The following MAP3K4 variants were observed in gnomAD, a reference collection of about 807,000 sequenced individuals.
MAP3K4 encodes the protein MAP three kinase 1.
MAP3K4 carries 67 observed loss-of-function variants against 185.6 expected under a neutral mutation model. The observed-to-expected ratio is 0.36, with a 90% confidence interval of 0.30 to 0.44. The LOEUF (loss-of-function observed/expected upper bound fraction) is 0.44, where lower values mean the gene tolerates loss of function less well. MAP3K4 is among the 20% of genes least tolerant of loss of function. MAP3K4 has a pLI of 1.00. For synonymous variants in MAP3K4, 702 were observed against 710.4 expected (o/e 0.99, Z 0.19); for missense variants, 1,551 against 1,995.1 (o/e 0.78, Z 4.24).
intron 2 of MAP3K4, among the ~76,000 whole-genome samples, chr6:161,047,117 C>CATATAT (rs3050257): frequency 0.015 from 1,976 of 134,892 alleles, 54 homozygotes; most frequent in African/African-American, 0.051. Context: ...TTCACTTATG[C>CATATAT]ATATATATAT....
rs748373271 is a variant in MAP3K4, at chr6:161,101,987, G to A, written c.3770G>A (p.Arg1257Gln). The change falls in exon 18 of 27, where the codon CGA becomes CAA. Residue 1257 changes from arginine (R) to glutamine (Q), a missense_variant. Physicochemically the swap from Arg to Gln is conservative, Grantham distance 43 (BLOSUM62 1). Around this residue, in one of 16 missense-constraint regions of MAP3K4, gnomAD observed 272 missense variants for 301.2 expected, o/e 0.90. Transcript: ENST00000392142. This position sits in a 1 kb window ranked among gnomAD's most constrained non-coding sequence, Gnocchi z 5.1. ...LSRHSSPTEERDEPAYPRGDS... is the reference protein window; with the variant it reads ...LSRHSSPTEEQDEPAYPRGDS... ...CGTCACTCAAGCCCCACGGAGGAGC[G>A]AGATGGTGAGTGTTTTAAGGTGTTA... The A allele has an allele frequency of 1.2e-6, 2 of 1,613,334 alleles. No homozygotes were observed. Among genetic ancestry groups the A allele is most frequent in the Middle Eastern group, 1.6e-4 (1 of 6,062 alleles).
In MAP3K4 at chr6:161,031,701, G is replaced by T. The variant is rs144983288; in HGVS notation, c.153-2558G>T. Reference sequence around the variant, plus strand: ...CAAAACAGACCATTTTATATTTTTCGTAGCCCTTTGTTTCCATTACTTTAA... The same window carrying T: ...CAAAACAGACCATTTTATATTTTTCTTAGCCCTTTGTTTCCATTACTTTAA... On this transcript the variant is annotated intron_variant, in intron 1 of 26. Transcript: ENST00000392142. Among the ~76,000 whole-genome samples, 7 of 152,070 alleles carry T rather than the reference G, an allele frequency of 4.6e-5. No homozygotes were observed. The East Asian group carries it at 1.4e-3, about 29-fold the overall frequency.
Position 161,086,783 on chromosome 6 carries a change from C to A in MAP3K4, c.2556+116C>A. ...AATATTACAGGCTCTGAAGGCTGTA[C>A]CACAACCCCAGTTGTAAGACTGTCC... On this transcript the variant is annotated intron_variant, in intron 9 of 26. Coordinates refer to ENST00000392142, the MANE Select transcript of MAP3K4 (RefSeq NM_005922.4). This position sits in a 1 kb window ranked among gnomAD's most constrained non-coding sequence, Gnocchi z 4.8. 1.4e-6 allele frequency: 1 copy of A among 716,432 alleles called. No individual in the cohort carries two copies. The highest frequency in any genetic ancestry group is 2.3e-6 in the Non-Finnish European group (1 of 432,856). The allele number at this position is 716,432 out of a possible 1,614,324, so 44.4% of individuals were successfully genotyped here.
chr6:161,015,745 C>T (rs116209425), intron 1 of MAP3K4, among the ~76,000 whole-genome samples: 7 of 152,184 alleles, frequency 4.6e-5, no homozygotes, highest in Admixed American at 6.5e-5. Flanking sequence ...CCTAGGGTAG[C>T]GCTTGCTAGC....
In MAP3K4 at chr6:161,056,399, A is replaced by G; in HGVS notation, c.1707+6420A>G. On this transcript the variant is annotated intron_variant, in intron 3 of 26. Transcript: ENST00000392142. This position sits in a 1 kb window ranked among gnomAD's most constrained non-coding sequence, Gnocchi z 5.4. ...AGTGATAGAATTAGAACGTACAGGT[A>G]TGTCTTCTAACCTGTGTATACACAC... Among the ~76,000 whole-genome samples the G allele has an allele frequency of 6.6e-6, 1 of 152,290 alleles. No individual in the cohort carries two copies. Among genetic ancestry groups the G allele is most frequent in the Admixed American group, 6.5e-5 (1 of 15,288 alleles).
intron 1 of MAP3K4, among the ~76,000 whole-genome samples, chr6:161,002,438 G>A (rs187298031): frequency 6.6e-6 from 1 of 152,172 alleles, no homozygotes; most frequent in African/African-American, 2.4e-5. Flanking sequence ...CCTGAGAAAA[G>A]TGAGTGAAAT....
Position 161,082,053 on chromosome 6 carries a change from G to A in MAP3K4, c.2255+1015G>A. Among the ~76,000 whole-genome samples the A allele has an allele frequency of 6.6e-6, 1 of 151,840 alleles. No individual in the cohort carries two copies. The highest frequency in any genetic ancestry group is 1.5e-5 in the Non-Finnish European group (1 of 67,976). On this transcript the variant is annotated intron_variant, in intron 6 of 26. Transcript: ENST00000392142. The surrounding 1 kb of genome is among the most constrained non-coding windows in gnomAD (Gnocchi z 4.2). The stretch of plus-strand genomic sequence containing the variant: ...CCGATTTCTCCTATGTTCAGTCTCG[G>A]AATCTCGTATCCACTTCTCTGTTCT...
At chr6:161,004,937 G>A (rs1781504352) in intron 1 of MAP3K4, among the ~76,000 whole-genome samples, 1 of 152,122 alleles carries the variant, frequency 6.6e-6, no homozygotes, top group Non-Finnish European at 1.5e-5. Context: ...ATTTGACGTT[G>A]AAACAGAGAA....
chr6:161,068,411 T>C (rs1250424543), intron 3 of MAP3K4, among the ~76,000 whole-genome samples: 1 of 152,170 alleles, frequency 6.6e-6, no homozygotes, highest in African/African-American at 2.4e-5. Flanking sequence ...AAGGGATTAA[T>C]TTGTGCAAAA....
Position 161,107,997 on chromosome 6 carries a change from T to C in MAP3K4, c.4119+28T>C, listed in dbSNP as rs1778167774. The C allele has an allele frequency of 6.2e-7, 1 of 1,607,704 alleles. No individual in the cohort carries two copies. The highest frequency in any genetic ancestry group is 8.5e-7 in the Non-Finnish European group (1 of 1,175,662). ...GAGTCACCTGGCTCCGTGGGGCCTT[T>C]GGGCCTGGCGGCTCTGGGTGATAGA... On this transcript the variant is annotated intron_variant, in intron 21 of 26. Coordinates refer to ENST00000392142, the MANE Select transcript of MAP3K4 (RefSeq NM_005922.4). This position sits in a 1 kb window ranked among gnomAD's most constrained non-coding sequence, Gnocchi z 6.2.
In MAP3K4 at chr6:161,096,158, G is replaced by T. The variant is rs1453068786; in HGVS notation, c.3428-922G>T. Among the ~76,000 whole-genome samples, 1 of 152,074 alleles carries T rather than the reference G, an allele frequency of 6.6e-6. No individual in the cohort carries two copies. The highest frequency in any genetic ancestry group is 1.9e-4 in the East Asian group (1 of 5,192). ...CAATCCCTTAAGTTTTGTTTTGTAA[G>T]TTCTGTAAGGGAACTTCAGATCTCT... is the stretch of plus-strand genomic sequence containing the variant. On this transcript the variant is annotated intron_variant, in intron 15 of 26. Coordinates refer to ENST00000392142, the MANE Select transcript of MAP3K4 (RefSeq NM_005922.4). This position sits in a 1 kb window ranked among gnomAD's most constrained non-coding sequence, Gnocchi z 4.9.
Position 161,037,441 on chromosome 6 carries a change from G to A in MAP3K4, c.343+2992G>A, listed in dbSNP as rs530965037. Among the ~76,000 whole-genome samples, 3 of 151,758 alleles carry A rather than the reference G, an allele frequency of 2.0e-5. No individual in the cohort carries two copies. Among genetic ancestry groups the A allele is most frequent in the South Asian group, 2.1e-4 (1 of 4,790 alleles). ...GGATTTCTTTTATTTTTTCTGAGAC[G>A]GAGTTTCACTCTTGTTGCCCAGGCT... is the stretch of plus-strand genomic sequence containing the variant. On this transcript the variant is annotated intron_variant, in intron 2 of 26. Coordinates refer to ENST00000392142, the MANE Select transcript of MAP3K4 (RefSeq NM_005922.4). This position sits in a 1 kb window ranked among gnomAD's most constrained non-coding sequence, Gnocchi z 4.2.
At position 161,034,995 on chromosome 6, in the gene MAP3K4, A is replaced by G. The variant is rs1783097788; in HGVS notation, c.343+546A>G. ...CTTTCTACTTTTCTCTTTATTTAGG[A>G]TCGTAAAGTCCACATATTGCTCTAT... On this transcript the variant is annotated intron_variant, in intron 2 of 26. Coordinates refer to ENST00000392142, the MANE Select transcript of MAP3K4 (RefSeq NM_005922.4). The surrounding 1 kb of genome is among the most constrained non-coding windows in gnomAD (Gnocchi z 4.4). Among the ~76,000 whole-genome samples, 1 of 152,122 alleles carries G rather than the reference A, an allele frequency of 6.6e-6. No individual in the cohort carries two copies. The highest frequency in any genetic ancestry group is 2.4e-5 in the African/African-American group (1 of 41,414).
At chr6:161,026,382 T>G (rs9458100) in intron 1 of MAP3K4, among the ~76,000 whole-genome samples, 2,010 of 152,016 alleles carry the variant, frequency 0.013, 53 homozygotes, top group African/African-American at 0.046. Context: ...TGATCTGCCC[T>G]CCTTGGCCTC....
intron 1 of MAP3K4, among the ~76,000 whole-genome samples, chr6:161,025,976 G>T (rs564864750): frequency 6.6e-6 from 1 of 152,120 alleles, no homozygotes; most frequent in East Asian, 1.9e-4. Flanking sequence ...ATTTTTTGTT[G>T]CTTTCCCTTG....
At chr6:161,016,881 A>G (rs1782141754) in intron 1 of MAP3K4, among the ~76,000 whole-genome samples, 1 of 152,146 alleles carries the variant, frequency 6.6e-6, no homozygotes, top group African/African-American at 2.4e-5. Flanking sequence ...GTAAATATTT[A>G]TTGCATGGAT....
Position 161,091,924 on chromosome 6 carries a change from A to T in MAP3K4, c.3136-86A>T. 8.6e-7 allele frequency: 1 copy of T among 1,167,644 alleles called. No homozygotes were observed. Among genetic ancestry groups the T allele is most frequent in the Non-Finnish European group, 1.2e-6 (1 of 816,880 alleles). The allele number at this position is 1,167,644 out of a possible 1,614,324, so 72.3% of individuals were successfully genotyped here. A position where few individuals can be genotyped will look rare whatever the true frequency, so the allele number is the denominator to read the frequency against. On this transcript the variant is annotated intron_variant, in intron 12 of 26. Transcript: ENST00000392142. This position sits in a 1 kb window ranked among gnomAD's most constrained non-coding sequence, Gnocchi z 5.5. Reference sequence around the variant, plus strand: ...ATTGGATTTCACTTTTTGTTTTTAGAAAACATTTTAGACATGGCATTATAG... The same window carrying T: ...ATTGGATTTCACTTTTTGTTTTTAGTAAACATTTTAGACATGGCATTATAG...
At position 161,112,970 on chromosome 6, in the gene MAP3K4, C is replaced by T. The variant is rs1313472477; in HGVS notation, c.4626+196C>T. 6.6e-6 allele frequency among the ~76,000 whole-genome samples: 1 copy of T among 152,064 alleles called. No homozygotes were observed. Among genetic ancestry groups the T allele is most frequent in the Non-Finnish European group, 1.5e-5 (1 of 68,026 alleles). ...GAAACAAATATTTGTAAGATATCTGCCACAGAGAACTCTTATGAGTGAATT... is the reference window on the plus strand; with the variant it reads ...GAAACAAATATTTGTAAGATATCTGTCACAGAGAACTCTTATGAGTGAATT... On this transcript the variant is annotated intron_variant, in intron 25 of 26. Coordinates refer to ENST00000392142, the MANE Select transcript of MAP3K4 (RefSeq NM_005922.4). This position sits in a 1 kb window ranked among gnomAD's most constrained non-coding sequence, Gnocchi z 5.1.
At chr6:161,038,038 T>G (rs1243178135) in intron 2 of MAP3K4, among the ~76,000 whole-genome samples, 2 of 152,262 alleles carry the variant, frequency 1.3e-5, no homozygotes, top group East Asian at 1.9e-4. Context: ...TCCTCTTCCT[T>G]TCTTTTCTTT....
Sources: gnomAD v4.1 joint callset for allele counts (sites outside exome capture counted in the v4.1 genomes callset) on GRCh38, gnomAD v4.1.1 for gene constraint, gnomAD v4.1.1 regional missense constraint, Gnocchi (gnomAD v3.1) non-coding constraint, MANE v1.5 for transcripts, NCBI Gene and HGNC (gene_info 2026-07-23, HGNC 2026-07-21) for gene names.